SLC47A1: variants seen among roughly 807,000 people sequenced by gnomAD.
The protein encoded by SLC47A1 is solute carrier family 47 member 1, also known as multidrug and toxin extrusion protein 1.
A neutral mutation model predicts 65.8 loss-of-function variants in SLC47A1; 58 were observed. That is an observed-to-expected ratio of 0.88 (90% CI 0.71 to 1.10). The LOEUF (loss-of-function observed/expected upper bound fraction) is 1.10. SLC47A1 is among the 50% of genes least tolerant of loss of function. The pLI is 0.00. For missense variants in SLC47A1, 706 were observed against 719.2 expected, an observed-to-expected ratio of 0.98 and a Z score of 0.21; for synonymous variants, 285 against 295.0, an observed-to-expected ratio of 0.97 and a Z score of 0.35.
At position 19,578,287 on chromosome 17, in the gene SLC47A1, C is replaced by A. The variant is rs1459472679; in HGVS notation, c.*734C>A. The A allele has an allele frequency of 3.4e-6, 1 of 295,318 alleles. No homozygotes were observed. The highest frequency in any genetic ancestry group is 2.3e-5 in the African/African-American group (1 of 43,824). 18.3% of individuals were successfully genotyped at this position (295,318 alleles called of 1,614,324 possible). A position where few individuals can be genotyped will look rare whatever the true frequency, so the allele number is the denominator to read the frequency against. On this transcript the variant is annotated 3_prime_UTR_variant, in exon 17 of 17. Transcript: ENST00000270570. ...GGGGTGTGTGCGTGACGTACTGCAG[C>A]CTCAACCTCCTGGGCTCAAGTGATC...
chr17:19,545,994 G>A (rs911976868), intron 2 of SLC47A1, among the ~76,000 whole-genome samples: 8 of 151,986 alleles, frequency 5.3e-5, no homozygotes, highest in African/African-American at 9.7e-5. Flanking sequence ...AGGCGGAGGC[G>A]GGTGGATCAC....
At position 19,571,458 on chromosome 17, in the gene SLC47A1, T is replaced by TA; in HGVS notation, c.1310-20_1310-19insA. ...TGGTTTTCTATGGAATTAACCTCTA[T>TA]TAAATATTTCTATTTCTAGGTCTGT... On this transcript the variant is annotated intron_variant, in intron 14 of 16. Coordinates refer to ENST00000270570, the MANE Select transcript of SLC47A1 (RefSeq NM_018242.3). 1 of 1,606,358 alleles carries TA rather than the reference T, an allele frequency of 6.2e-7. No homozygotes were observed. Among genetic ancestry groups the TA allele is most frequent in the Non-Finnish European group, 8.5e-7 (1 of 1,174,630 alleles).
At position 19,560,188 on chromosome 17, in the gene SLC47A1, G is replaced by T. The variant is rs757699902; in HGVS notation, c.922G>T (p.Val308Phe). 4 of 1,606,988 alleles carry T rather than the reference G, an allele frequency of 2.5e-6. No individual in the cohort carries two copies. In the African/African-American group the frequency reaches 5.4e-5, roughly 22 times the overall value. ...GTTGCAGGTTTCCTTTTTATTTTAG[G>T]TCCCTGCAGGCTTCAGTGTGGCTGC... ...VYELAIIVYM[V>F]PAGFSVAASV... Residue 308 changes from valine (V) to phenylalanine (F), a missense_variant and splice_region_variant, in exon 11 of 17, where the codon GTC becomes TTC. Physicochemically the swap from Val to Phe is conservative, Grantham distance 50. Coordinates refer to ENST00000270570, the MANE Select transcript of SLC47A1 (RefSeq NM_018242.3).
intron 1 of SLC47A1, among the ~76,000 whole-genome samples, chr17:19,538,507 A>C (rs1425455665): frequency 6.6e-6 from 1 of 152,230 alleles, no homozygotes; most frequent in African/African-American, 2.4e-5. Flanking sequence ...AAAGCTGAAA[A>C]ATTGTAAGTC....
intron 12 of SLC47A1, among the ~76,000 whole-genome samples, chr17:19,565,985 A>G (rs1456464344): frequency 6.6e-6 from 1 of 152,194 alleles, no homozygotes; most frequent in Non-Finnish European, 1.5e-5. Flanking sequence ...CGCCTGGGAC[A>G]TGAAATCATC....
intron 10 of SLC47A1, among the ~76,000 whole-genome samples, chr17:19,558,462 T>C (rs1474284398): frequency 6.8e-6 from 1 of 147,408 alleles, no homozygotes; most frequent in Non-Finnish European, 1.5e-5. Context: ...GTTGTTTTTA[T>C]TTTACTTATT....
At position 19,577,980 on chromosome 17, in the gene SLC47A1, T is replaced by G; in HGVS notation, c.*427T>G. 2 of 1,285,216 alleles carry G rather than the reference T, an allele frequency of 1.6e-6. No individual in the cohort carries two copies. The highest frequency in any genetic ancestry group is 2.0e-6 in the Non-Finnish European group (2 of 987,456). 79.6% of individuals were successfully genotyped at this position (1,285,216 alleles called of 1,614,324 possible). A position where few individuals can be genotyped will look rare whatever the true frequency, so the allele number is the denominator to read the frequency against. On this transcript the variant is annotated 3_prime_UTR_variant, in exon 17 of 17. Coordinates refer to ENST00000270570, the MANE Select transcript of SLC47A1 (RefSeq NM_018242.3). ...TCACTGGGCAAATGGTATTTGTTTTTGTTTTAATTTTTTTTTTAATAGACG... is the reference window on the plus strand; with the variant it reads ...TCACTGGGCAAATGGTATTTGTTTTGGTTTTAATTTTTTTTTTAATAGACG...
Position 19,577,779 on chromosome 17 carries a change from C to G in SLC47A1, c.*226C>G. On this transcript the variant is annotated 3_prime_UTR_variant, in exon 17 of 17. Transcript: ENST00000270570. ...CTGAAAGATGACATGAGTAGTAATT[C>G]ACCACTATCTGAACCAAGCAAGGAT... The G allele has an allele frequency of 7.3e-7, 1 of 1,371,958 alleles. No homozygotes were observed. The highest frequency in any genetic ancestry group is 9.4e-7 in the Non-Finnish European group (1 of 1,062,712). The allele number at this position is 1,371,958 out of a possible 1,614,324, so 85.0% of individuals were successfully genotyped here.
At chr17:19,567,004 G>A in intron 13 of SLC47A1, 92 bp from the exon 14 acceptor site, 1 of 1,599,734 alleles carries the variant, frequency 6.3e-7, no homozygotes, top group Non-Finnish European at 8.6e-7. Context: ...CCTTACCATG[G>A]ATTTTAGCAC....
chr17:19,567,015 A>C, intron 13 of SLC47A1, 81 bp from the exon 14 acceptor site: 2 of 1,602,618 alleles, frequency 1.2e-6, no homozygotes, highest in Non-Finnish European at 1.7e-6. Flanking sequence ...ATTTTAGCAC[A>C]GAATATGAAG....
At position 19,555,687 on chromosome 17, in the gene SLC47A1, G is replaced by A. The variant is rs1176534699; in HGVS notation, c.736G>A (p.Gly246Arg). Reference protein sequence around the residue: ...LGKKLHQATWGGWSLECLQDW... With the variant: ...LGKKLHQATWRGWSLECLQDW... ...GAAAAAACTGCATCAAGCTACATGG[G>A]GAGGTAATGACTGCCCTTTTGTCTT... is the stretch of plus-strand genomic sequence containing the variant. Residue 246 changes from glycine to arginine, a missense_variant, in exon 8 of 17, where the codon GGA becomes AGA. Gly to Arg is a moderately radical substitution (Grantham distance 125, BLOSUM62 -2). Transcript: ENST00000270570. 1.2e-6 allele frequency: 2 copies of A among 1,614,168 alleles called. No individual in the cohort carries two copies. Among genetic ancestry groups the A allele is most frequent in the Non-Finnish European group, 8.5e-7 (1 of 1,180,028 alleles).
intron 14 of SLC47A1, among the ~76,000 whole-genome samples, chr17:19,568,301 A>G (rs1355625245): frequency 1.3e-5 from 2 of 152,314 alleles, no homozygotes; most frequent in South Asian, 2.1e-4. Flanking sequence ...TGCCAATGCA[A>G]AGTTCATTGG....
intron 6 of SLC47A1, among the ~76,000 whole-genome samples, chr17:19,553,777 G>A (rs143561978): frequency 0.015 from 2,286 of 152,216 alleles, 48 homozygotes; most frequent in African/African-American, 0.053. Context: ...CCTGACCTCA[G>A]GTGATCCACT....
At chr17:19,547,959 G>T (rs1487431759) in intron 3 of SLC47A1, 26 bp from the exon 4 acceptor site, 3 of 1,596,600 alleles carry the variant, frequency 1.9e-6, no homozygotes, top group Non-Finnish European at 2.6e-6. Flanking sequence ...GTGCTAATGG[G>T]CTCATTTTGG....
chr17:19,555,366 C>G (rs1349460935), intron 7 of SLC47A1, 57 bp downstream of exon 7: 11 of 1,579,948 alleles, frequency 7.0e-6, no homozygotes. Context: ...GTGGTTTTTC[C>G]AGGAGGGAGA....
At chr17:19,575,994 T>A (rs1264850245) in intron 16 of SLC47A1, among the ~76,000 whole-genome samples, 1 of 152,036 alleles carries the variant, frequency 6.6e-6, no homozygotes, top group African/African-American at 2.4e-5. Context: ...TGAGGGATAG[T>A]AAATGAGTAC....
At chr17:19,542,566 A>G in intron 2 of SLC47A1, 72 bp downstream of exon 2, 2 of 1,239,856 alleles carry the variant, frequency 1.6e-6, no homozygotes, top group Non-Finnish European at 2.3e-6. Flanking sequence ...ATAACAAATC[A>G]TCAAAATGTA....
In SLC47A1 at chr17:19,572,799, TG is replaced by T. The variant is rs1171799425; in HGVS notation, c.1425del (p.Val477Ter). 2 of 1,614,120 alleles carry T rather than the reference TG, an allele frequency of 1.2e-6. No individual in the cohort carries two copies. Among genetic ancestry groups the T allele is most frequent in the East Asian group, 2.2e-5 (1 of 44,882 alleles). ...TTCCAGGCTCAGGTACACGCCAATT[TG>T]AAAGTAAACAACGTGCCTCGGAGTG... The part of the protein sequence containing the change: ...ACQQAQVHAN[L>X]KVNNVPRSGN... On this transcript the variant is annotated frameshift_variant, in exon 16 of 17. Coordinates refer to ENST00000270570, the MANE Select transcript of SLC47A1 (RefSeq NM_018242.3). LOFTEE classifies it high-confidence loss of function.
intron 1 of SLC47A1, among the ~76,000 whole-genome samples, chr17:19,540,233 G>T (rs998715814): frequency 6.6e-6 from 1 of 152,008 alleles, no homozygotes; most frequent in African/African-American, 2.4e-5. Context: ...TCCAAAGGCC[G>T]GGCAGTAGGG....
Sources: gnomAD v4.1 joint callset for allele counts (sites outside exome capture counted in the v4.1 genomes callset) on GRCh38, gnomAD v4.1.1 for gene constraint, MANE v1.5 for transcripts, NCBI Gene and HGNC (gene_info 2026-07-23, HGNC 2026-07-21) for gene names.